ESRRG: variants seen among roughly 807,000 people sequenced by gnomAD.
ESRRG encodes estrogen related receptor gamma.
A neutral mutation model predicts 44.0 loss-of-function variants in ESRRG; 13 were observed. That is an observed-to-expected ratio of 0.30 (90% CI 0.19 to 0.47). The LOEUF (loss-of-function observed/expected upper bound fraction) is 0.47. Ranked by LOEUF, ESRRG falls within the 20% of genes least tolerant of loss-of-function variation. The pLI, the probability that ESRRG is intolerant of heterozygous loss-of-function variation, is 1.00. For synonymous variants in ESRRG, 215 were observed against 214.6 expected (o/e 1.00, Z -0.02); for missense variants, 395 against 580.6 (o/e 0.68, Z 3.29).
chr1:216,710,968 C>T (rs994258114), intron 1 of ESRRG, among the ~76,000 whole-genome samples: 3 of 152,170 alleles, frequency 2.0e-5, no homozygotes, highest in Non-Finnish European at 4.4e-5. Context: ...GTAAACGATG[C>T]CCACCCTTCT....
intron 2 of ESRRG, among the ~76,000 whole-genome samples, chr1:216,673,163 G>A (rs940539841): frequency 1.3e-5 from 2 of 152,114 alleles, no homozygotes; most frequent in African/African-American, 4.8e-5. Flanking sequence ...GCATGAGAAT[G>A]AACTCTAAGG....
At chr1:217,053,133 T>TAAAAAAAAAAAAAAAAAAAAAAA (rs71303007) in intron 1 of ESRRG, among the ~76,000 whole-genome samples, 20 of 119,030 alleles carry the variant, frequency 1.7e-4, no homozygotes, top group South Asian at 3.0e-4. Flanking sequence ...AATCCCATCT[T>TAAAAAAAAAAAAAAAAAAAAAAA]AAAAAAAAAA....
intron 1 of ESRRG, among the ~76,000 whole-genome samples, chr1:217,045,710 GT>G (rs1318754171): frequency 6.6e-6 from 1 of 151,482 alleles, no homozygotes; most frequent in East Asian, 2.0e-4. Context: ...GGCAGTTGTC[GT>G]TTTTTTTTCA....
intron 1 of ESRRG, among the ~76,000 whole-genome samples, chr1:216,711,490 A>G (rs1254736559): frequency 1.3e-5 from 2 of 152,136 alleles, no homozygotes; most frequent in African/African-American, 2.4e-5. Context: ...CTTTTCCCCA[A>G]TTTGTTTTGA....
chr1:216,627,093 GA>G (rs2063311862), intron 3 of ESRRG, among the ~76,000 whole-genome samples: 1 of 152,170 alleles, frequency 6.6e-6, no homozygotes, highest in African/African-American at 2.4e-5. Flanking sequence ...TCCAGAACTG[GA>G]AGAAATGTTA....
chr1:216,898,752 A>T (rs11117720), intron 2 of ESRRG, among the ~76,000 whole-genome samples: 10,859 of 151,064 alleles, frequency 0.072, 531 homozygotes, highest in East Asian at 0.11. Flanking sequence ...ATTTTTCCAT[A>T]GAAACCAAGT....
intron 1 of ESRRG, among the ~76,000 whole-genome samples, chr1:216,987,578 T>C (rs1041982326): frequency 2.0e-5 from 3 of 152,202 alleles, no homozygotes; most frequent in Admixed American, 2.0e-4. Context: ...CTCTATTCTG[T>C]AGAAGAGTTT....
chr1:216,784,210 C>G lies in ESRRG; in HGVS notation c.-13-106719G>C, dbSNP rs549682884. On this transcript the variant is annotated intron_variant, in intron 2 of 7. Coordinates refer to the ESRRG transcript ENST00000359162. The stretch of plus-strand genomic sequence containing the variant: ...CTATATCCAATGCTTAGTGTTTTCT[C>G]AATATTTTAACATCTTTTTCTCATT... 1.4e-3 allele frequency among the ~76,000 whole-genome samples: 214 copies of G among 151,964 alleles called. 1 individual carries two copies. Among genetic ancestry groups the G allele is most frequent in the African/African-American group, 5.0e-3 (206 of 41,456 alleles).
At chr1:216,826,120 T>C (rs1314052629) in intron 2 of ESRRG, among the ~76,000 whole-genome samples, 2 of 151,920 alleles carry the variant, frequency 1.3e-5, no homozygotes, top group Non-Finnish European at 2.9e-5. Flanking sequence ...TAGAGTTACT[T>C]TGAATTTAAA....
chr1:216,910,783 A>G (rs2060219766), intron 2 of ESRRG, among the ~76,000 whole-genome samples: 1 of 152,136 alleles, frequency 6.6e-6, no homozygotes, highest in African/African-American at 2.4e-5. Context: ...CCTTAATAGG[A>G]TTTTTACTAT....
chr1:217,100,294 T>C (rs1208791361), intron 1 of ESRRG, among the ~76,000 whole-genome samples: 2 of 152,224 alleles, frequency 1.3e-5, no homozygotes, highest in African/African-American at 4.8e-5. Flanking sequence ...AGTCAAGATA[T>C]CTTGTTAAAA....
intron 5 of ESRRG, among the ~76,000 whole-genome samples, chr1:216,532,919 T>C (rs1248830482): frequency 1.3e-5 from 2 of 152,184 alleles, no homozygotes; most frequent in African/African-American, 4.8e-5. Context: ...TATTCTCTCA[T>C]TTAAATTGAC....
At chr1:216,566,319 C>T (rs1320636205) in intron 4 of ESRRG, among the ~76,000 whole-genome samples, 1 of 152,144 alleles carries the variant, frequency 6.6e-6, no homozygotes, top group Non-Finnish European at 1.5e-5. Flanking sequence ...TACAAAAACA[C>T]ACTAATTGGA....
At chr1:216,667,434 C>T (rs2074172571) in intron 2 of ESRRG, among the ~76,000 whole-genome samples, 1 of 151,758 alleles carries the variant, frequency 6.6e-6, no homozygotes, top group African/African-American at 2.4e-5. Flanking sequence ...GCCTGTAATC[C>T]CAGCACATCG....
At chr1:216,963,669 T>G (rs1396252342) in intron 1 of ESRRG, among the ~76,000 whole-genome samples, 1 of 152,186 alleles carries the variant, frequency 6.6e-6, no homozygotes, top group Admixed American at 6.5e-5. Flanking sequence ...AGCCACGCAG[T>G]GGTGTCCTTA....
At chr1:216,643,436 T>C (rs898169295) in intron 3 of ESRRG, among the ~76,000 whole-genome samples, 1 of 152,182 alleles carries the variant, frequency 6.6e-6, no homozygotes, top group African/African-American at 2.4e-5. Flanking sequence ...GTCAGCACTG[T>C]TAATCTATGA....
chr1:217,090,948 C>A (rs1373413568), upstream of ESRRG, among the ~76,000 whole-genome samples: 2 of 152,142 alleles, frequency 1.3e-5, no homozygotes, highest in Non-Finnish European at 2.9e-5. Context: ...GCATTTTTAG[C>A]CGGTGTGGCC....
At chr1:216,996,992 C>T (rs2076451412) in intron 1 of ESRRG, among the ~76,000 whole-genome samples, 1 of 152,044 alleles carries the variant, frequency 6.6e-6, no homozygotes, top group African/African-American at 2.4e-5. Flanking sequence ...TGGCCAAAAG[C>T]CACAGGAAAC....
At chr1:216,834,730 C>T (rs1316876999) in intron 2 of ESRRG, among the ~76,000 whole-genome samples, 1 of 152,098 alleles carries the variant, frequency 6.6e-6, no homozygotes, top group East Asian at 1.9e-4. Flanking sequence ...AGGCCCTACT[C>T]ATGGAAGAAT....
Sources: gnomAD v4.1 joint callset for allele counts (sites outside exome capture counted in the v4.1 genomes callset) on GRCh38, gnomAD v4.1.1 for gene constraint, MANE v1.5 for transcripts, NCBI Gene and HGNC (gene_info 2026-07-23, HGNC 2026-07-21) for gene names.